SLIRP: variants seen among roughly 807,000 people sequenced by gnomAD.
SLIRP encodes the protein SRA stem-loop interacting RNA binding protein.
In SLIRP, 12 loss-of-function variants were observed where a neutral mutation model predicts 13.4. The observed-to-expected ratio is 0.89, with a 90% confidence interval of 0.57 to 1.45. SLIRP has a LOEUF of 1.45. Ranked by LOEUF, SLIRP falls within the 40% of genes most tolerant of loss-of-function variation. SLIRP has a pLI of 0.00. For synonymous variants in SLIRP, 55 were observed against 47.1 expected (o/e 1.17, Z -0.69); for missense variants, 154 against 132.2 (o/e 1.17, Z -0.81).
chr14:77,716,961 C>A (rs1026628670), intron 3 of SLIRP, among the ~76,000 whole-genome samples: 1 of 151,960 alleles, frequency 6.6e-6, no homozygotes, highest in Non-Finnish European at 1.5e-5. Context: ...GATTGGGTTT[C>A]ATCATGTTGG....
rs769471570 is a variant in SLIRP at position 77,708,200 on chromosome 14, C to T, written c.89C>T (p.Ala30Val). 65 of 1,613,940 alleles carry T rather than the reference C, an allele frequency of 4.0e-5. No individual in the cohort carries two copies. The East Asian group carries it at 1.1e-3, about 28-fold the overall frequency. ...VAFVRRIPWT[A>V]ASSQLKEHFA... ...TTTGTGAGAAGAATTCCTTGGACTG[C>T]GGCGTCGAGTGAGTGATGGAGATGT... The change falls in exon 1 of 4, where the codon GCG becomes GTG. Residue 30 changes from alanine (A) to valine (V), a missense_variant. Ala to Val is a moderately conservative substitution (Grantham distance 64, BLOSUM62 0). Transcript: ENST00000557342.
intron 3 of SLIRP, among the ~76,000 whole-genome samples, chr14:77,717,201 T>G (rs1477361506): frequency 6.6e-6 from 1 of 152,174 alleles, no homozygotes; most frequent in Non-Finnish European, 1.5e-5. Flanking sequence ...TGTTGCAGGG[T>G]GGTGTTGAAC....
intron 2 of SLIRP, among the ~76,000 whole-genome samples, chr14:77,714,927 C>T (rs117359558): frequency 4.9e-3 from 748 of 152,216 alleles, no homozygotes; most frequent in Non-Finnish European, 6.7e-3. Context: ...ATCTGTTTTC[C>T]GTATGCGATG....
At chr14:77,712,834 T>C (rs1288428868) in intron 2 of SLIRP, among the ~76,000 whole-genome samples, 1 of 152,208 alleles carries the variant, frequency 6.6e-6, no homozygotes, top group Non-Finnish European at 1.5e-5. Flanking sequence ...AGGAACTCCC[T>C]GCAGTTCCTT....
chr14:77,708,086 G>A (rs1177860188), upstream of SLIRP: 1 of 1,611,584 alleles, frequency 6.2e-7, no homozygotes, highest in Admixed American at 1.7e-5. Context: ...CGCGACCTCG[G>A]CTCGAGAAGG....
intron 3 of SLIRP, 41 bp downstream of exon 3, chr14:77,715,920 G>A: frequency 7.2e-7 from 1 of 1,391,144 alleles, no homozygotes. Context: ...TGATATACAT[G>A]TAGGTACTAT....
intron 3 of SLIRP, 77 bp from the exon 4 acceptor site, chr14:77,717,419 C>A: frequency 8.3e-7 from 1 of 1,202,872 alleles, no homozygotes; most frequent in Non-Finnish European, 1.2e-6. Context: ...CATACTGACT[C>A]CCTAATAAAG....
intron 2 of SLIRP, among the ~76,000 whole-genome samples, chr14:77,713,740 A>G (rs190588438): frequency 6.6e-6 from 1 of 152,322 alleles, no homozygotes; most frequent in African/African-American, 2.4e-5. Context: ...GATGCAATGG[A>G]ATTTTATATA....
chr14:77,708,338 G>A, intron 1 of SLIRP, 130 bp downstream of exon 1: 1 of 897,030 alleles, frequency 1.1e-6, no homozygotes. Context: ...ATGCAAGTGA[G>A]CAGAAAGAAA....
intron 2 of SLIRP, among the ~76,000 whole-genome samples, chr14:77,714,501 A>T (rs902509777): frequency 6.6e-6 from 1 of 152,172 alleles, no homozygotes; most frequent in East Asian, 1.9e-4. Flanking sequence ...GAGTTTCACT[A>T]TGTTGGCCAG....
chr14:77,715,673 C>T, intron 2 of SLIRP, 99 bp from the exon 3 acceptor site: 2 of 977,162 alleles, frequency 2.0e-6, no homozygotes, highest in Non-Finnish European at 3.1e-6. Context: ...ATTAAAAAGT[C>T]CGATTTTTGG....
chr14:77,709,742 T>G (rs1174306301), intron 1 of SLIRP, among the ~76,000 whole-genome samples: 1 of 152,216 alleles, frequency 6.6e-6, no homozygotes, highest in Admixed American at 6.5e-5. Flanking sequence ...AGGACTTTAA[T>G]TATCTGGTAT....
chr14:77,717,146 CTATTT>C (rs59708174), intron 3 of SLIRP, among the ~76,000 whole-genome samples: 25,254 of 151,990 alleles, frequency 0.17, 2,381 homozygotes, highest in Non-Finnish European at 0.22. Flanking sequence ...AACTGATTTA[CTATTT>C]TATTTTAAAT....
In SLIRP at chr14:77,710,866, C is replaced by T. The variant is rs201733692; in HGVS notation, c.126C>T (p.Phe42=). 3.4e-4 allele frequency: 541 copies of T among 1,613,998 alleles called. 8 individuals carry two copies. The Middle Eastern group carries it at 0.015, about 44-fold the overall frequency. Residue 42 remains phenylalanine, a synonymous_variant, in exon 2 of 4, where the codon TTC becomes TTT. Transcript: ENST00000557342. The stretch of plus-strand genomic sequence containing the variant: ...AGCTGAAAGAACACTTTGCACAGTT[C>T]GGCCATGTCAGAAGGTGCATTTTAC... The part of the protein sequence containing the change: ...SSQLKEHFAQ[F]GHVRRCILPF...
At chr14:77,714,677 G>C (rs546625058) in intron 2 of SLIRP, among the ~76,000 whole-genome samples, 1 of 152,344 alleles carries the variant, frequency 6.6e-6, no homozygotes, top group South Asian at 2.1e-4. Context: ...AGAAATTGTT[G>C]TATCTACAAT....
At position 77,711,001 on chromosome 14, in the gene SLIRP, A is replaced by G. The variant is rs2080435977; in HGVS notation, c.156+105A>G. The G allele has an allele frequency of 3.2e-6, 3 of 934,546 alleles. No homozygotes were observed. In the Admixed American group the frequency reaches 6.3e-5, roughly 20 times the overall value. 57.9% of individuals were successfully genotyped at this position (934,546 alleles called of 1,614,324 possible). On this transcript the variant is annotated intron_variant, in intron 2 of 3. Transcript: ENST00000557342. ...ATAGTACAACAGGGTGACTATGGTC[A>G]ATAATAATTGTACATTTTAAAATAA...
chr14:77,717,538 G>A lies in SLIRP; in HGVS notation c.307G>A (p.Asp103Asn), dbSNP rs745792618. ...TRRPKLPQTSDDEKKDF is the reference protein window; with the variant it reads ...TRRPKLPQTSNDEKKDF The stretch of plus-strand genomic sequence containing the variant: ...AAGGCCAAAACTTCCGCAAACATCT[G>A]ATGATGAAAAGAAAGATTTTTGAGA... The change falls in exon 4 of 4, where the codon GAT (aspartate) becomes AAT (asparagine). Residue 103 changes from aspartate to asparagine, a missense_variant. Physicochemically the swap from Asp to Asn is conservative, Grantham distance 23. Coordinates refer to ENST00000557342, the MANE Select transcript of SLIRP (RefSeq NM_031210.6). 8.7e-6 allele frequency: 14 copies of A among 1,613,910 alleles called. No homozygotes were observed. The Admixed American group carries it at 2.3e-4, about 27-fold the overall frequency.
chr14:77,714,164 CCTGA>C (rs147588986), intron 2 of SLIRP, among the ~76,000 whole-genome samples: 5,514 of 152,132 alleles, frequency 0.036, 142 homozygotes, highest in Non-Finnish European at 0.053. Flanking sequence ...TGCCACCACA[CCTGA>C]CTAATTTTTT....
intron 2 of SLIRP, among the ~76,000 whole-genome samples, chr14:77,713,014 TC>T (rs1365686219): frequency 6.6e-6 from 1 of 152,142 alleles, no homozygotes; most frequent in Non-Finnish European, 1.5e-5. Context: ...GTCAGGTTTC[TC>T]CTCCACCCAA....
Sources: allele counts gnomAD v4.1 joint callset (sites outside exome capture counted in the v4.1 genomes callset), GRCh38; gene constraint gnomAD v4.1.1; transcripts MANE v1.5; gene names NCBI Gene and HGNC (gene_info 2026-07-23, HGNC 2026-07-21).